CTIF: variants seen among roughly 807,000 people sequenced by gnomAD.
CTIF encodes the protein cap binding complex dependent translation initiation factor, also known as CBP80/20-dependent translation initiation factor.
Under a neutral mutation model 66.0 loss-of-function variants are expected in CTIF, and 21 were observed. That is an observed-to-expected ratio of 0.32 (90% CI 0.23 to 0.46). The LOEUF (loss-of-function observed/expected upper bound fraction) is 0.46, where lower values mean the gene tolerates loss of function less well. Ranked by LOEUF, CTIF falls within the 20% of genes least tolerant of loss-of-function variation. The pLI is 1.00. For missense variants in CTIF, 739 were observed against 812.7 expected (o/e 0.91, Z 1.10); for synonymous variants, 345 against 326.4 (o/e 1.06, Z -0.62).
At chr18:48,597,181 C>T (rs958915380) in intron 1 of CTIF, among the ~76,000 whole-genome samples, 2 of 152,182 alleles carry the variant, frequency 1.3e-5, no homozygotes, top group African/African-American at 2.4e-5. Context: ...CATTTATCAT[C>T]GATTTGCTGA....
intron 1 of CTIF, among the ~76,000 whole-genome samples, chr18:48,555,372 C>T (rs575230981): frequency 6.6e-6 from 1 of 152,332 alleles, no homozygotes; most frequent in African/African-American, 2.4e-5. Flanking sequence ...TCATCTGAGT[C>T]CCCTTTGAGT....
chr18:48,560,986 CCTAGCA>C (rs2089145674), intron 1 of CTIF, among the ~76,000 whole-genome samples: 1 of 152,118 alleles, frequency 6.6e-6, no homozygotes, highest in Non-Finnish European at 1.5e-5. Flanking sequence ...CGCCTGTAAT[CCTAGCA>C]CTTTGGGAAG....
At chr18:48,542,256 T>C (rs2088639162) in intron 1 of CTIF, among the ~76,000 whole-genome samples, 1 of 152,212 alleles carries the variant, frequency 6.6e-6, no homozygotes, top group Non-Finnish European at 1.5e-5. Flanking sequence ...CAGAATCATA[T>C]GTGCATATAA....
intron 7 of CTIF, among the ~76,000 whole-genome samples, chr18:48,749,276 G>C (rs546278529): frequency 1.3e-5 from 2 of 152,210 alleles, no homozygotes; most frequent in African/African-American, 4.8e-5. Flanking sequence ...TGGTGGATTC[G>C]AATGGCCAGG....
chr18:48,817,503 C>T (rs753707161), intron 10 of CTIF, 127 bp downstream of exon 10: 10 of 1,143,062 alleles, frequency 8.7e-6, no homozygotes, highest in African/African-American at 1.5e-5. Flanking sequence ...GGGCCAGGCA[C>T]GGTGGCTCAC....
At chr18:48,815,340 G>A (rs1280232062) in intron 9 of CTIF, among the ~76,000 whole-genome samples, 1 of 152,184 alleles carries the variant, frequency 6.6e-6, no homozygotes, top group Non-Finnish European at 1.5e-5. Context: ...ATAGTCATGG[G>A]CAAGTTACAC....
At chr18:48,626,832 T>C (rs2090614135) in intron 2 of CTIF, among the ~76,000 whole-genome samples, 1 of 151,990 alleles carries the variant, frequency 6.6e-6, no homozygotes, top group South Asian at 2.1e-4. Flanking sequence ...ATTTTTTGTA[T>C]TTTTAGTAAA....
chr18:48,588,691 C>T (rs780783842), intron 1 of CTIF, among the ~76,000 whole-genome samples: 1 of 152,184 alleles, frequency 6.6e-6, no homozygotes, highest in East Asian at 1.9e-4. Flanking sequence ...CTCCTACAGT[C>T]TCTCCTGCTC....
At chr18:48,841,057 C>T (rs2068928771) in intron 10 of CTIF, among the ~76,000 whole-genome samples, 1 of 152,208 alleles carries the variant, frequency 6.6e-6, no homozygotes, top group South Asian at 2.1e-4. Context: ...TTTCTAAGTC[C>T]TCCAATGACC....
chr18:48,548,910 G>A (rs572581743), intron 1 of CTIF, among the ~76,000 whole-genome samples: 12 of 152,324 alleles, frequency 7.9e-5, no homozygotes, highest in East Asian at 7.7e-4. Context: ...ATAGCCTTGC[G>A]CTAGTGTAAG....
At chr18:48,625,398 A>G (rs1160493132) in intron 2 of CTIF, among the ~76,000 whole-genome samples, 1 of 152,234 alleles carries the variant, frequency 6.6e-6, no homozygotes, top group African/African-American at 2.4e-5. Flanking sequence ...CCTGAGCTAA[A>G]ATTATTTTAA....
intron 3 of CTIF, among the ~76,000 whole-genome samples, chr18:48,637,564 C>T (rs2090847038): frequency 6.6e-6 from 1 of 152,190 alleles, no homozygotes; most frequent in Non-Finnish European, 1.5e-5. Flanking sequence ...CCTGCTTGCT[C>T]ATGTTCAGCT....
At chr18:48,768,986 G>T (rs987772453) in intron 9 of CTIF, among the ~76,000 whole-genome samples, 1 of 152,202 alleles carries the variant, frequency 6.6e-6, no homozygotes, top group Non-Finnish European at 1.5e-5. Flanking sequence ...GTTTCCAGGG[G>T]TCGCTGAGTC....
intron 1 of CTIF, among the ~76,000 whole-genome samples, chr18:48,541,481 C>G (rs770284086): frequency 1.1e-3 from 163 of 152,344 alleles, no homozygotes; most frequent in Non-Finnish European, 1.7e-3. Context: ...GCCCAGGGCC[C>G]GATCTGGGCT....
At chr18:48,647,643 T>G (rs1288488804) in intron 3 of CTIF, among the ~76,000 whole-genome samples, 1 of 152,230 alleles carries the variant, frequency 6.6e-6, no homozygotes, top group East Asian at 1.9e-4. Flanking sequence ...AAAAAGTAAT[T>G]TGTAAAAAGT....
At chr18:48,717,733 A>C (rs190938441) in intron 7 of CTIF, among the ~76,000 whole-genome samples, 1 of 152,108 alleles carries the variant, frequency 6.6e-6, no homozygotes, top group East Asian at 1.9e-4. Flanking sequence ...CACCCCTTCA[A>C]AATTTTTTTT....
At chr18:48,730,660 CGGTGTGAGG>C (rs2092444984) in intron 7 of CTIF, among the ~76,000 whole-genome samples, 1 of 119,226 alleles carries the variant, frequency 8.4e-6, no homozygotes, top group African/African-American at 3.0e-5. Context: ...GGGGCTTCTG[CGGTGTGAGG>C]GGCTTCTGCG....
At position 48,741,135 on chromosome 18, in the gene CTIF, GGTT is replaced by G. The variant is rs1423063661; in HGVS notation, c.585-16777_585-16775del. 3.3e-5 allele frequency among the ~76,000 whole-genome samples: 5 copies of G among 152,184 alleles called. No homozygotes were observed. The South Asian group carries it at 6.2e-4, about 19-fold the overall frequency. ...CATGCACGTCATTCATTATCATGGT[GGTT>G]GTTGTTATTATTGTTAGAGAAGAGA... On this transcript the variant is annotated intron_variant, in intron 7 of 11. Coordinates refer to ENST00000256413, the MANE Select transcript of CTIF (RefSeq NM_014772.3).
At chr18:48,671,247 G>C (rs1425078591) in intron 6 of CTIF, among the ~76,000 whole-genome samples, 1 of 152,090 alleles carries the variant, frequency 6.6e-6, no homozygotes, top group Non-Finnish European at 1.5e-5. Flanking sequence ...CAGGTTCCAG[G>C]ACAAAGAGGA....
Sources: gnomAD v4.1 joint callset for allele counts (sites outside exome capture counted in the v4.1 genomes callset) on GRCh38, gnomAD v4.1.1 for gene constraint, MANE v1.5 for transcripts, NCBI Gene and HGNC (gene_info 2026-07-23, HGNC 2026-07-21) for gene names.